ACBD6: variants seen among roughly 807,000 people sequenced by gnomAD.
The protein encoded by ACBD6 is acyl-CoA binding domain containing 6, also known as acyl-CoA-binding domain-containing protein 6.
ACBD6 carries 28 observed loss-of-function variants against 37.2 expected under a neutral mutation model. The observed-to-expected ratio is 0.75, with a 90% CI of 0.56 to 1.03. ACBD6 has a LOEUF of 1.03. Among genes scored for constraint, ACBD6 ranks in the 50% least tolerant of loss-of-function variants. The pLI is 0.00. For missense variants in ACBD6, 340 were observed against 337.4 expected (o/e 1.01, Z -0.06); for synonymous variants, 113 against 126.8 (o/e 0.89, Z 0.73).
At chr1:180,325,022 G>C (rs1020819139) in intron 6 of ACBD6, among the ~76,000 whole-genome samples, 2 of 152,030 alleles carry the variant, frequency 1.3e-5, no homozygotes, top group African/African-American at 2.4e-5. Flanking sequence ...GATGCTTTTA[G>C]GATGCTTTCT....
intron 11 of ACBD6, chr1:180,273,632 G>A (rs1349055735): frequency 6.5e-6 from 1 of 153,412 alleles, no homozygotes; most frequent in African/African-American, 2.4e-5. Context: ...CCCCAGTGAA[G>A]AGCTTATTGA....
At chr1:180,317,020 C>G (rs1418059724) in intron 6 of ACBD6, among the ~76,000 whole-genome samples, 2 of 152,254 alleles carry the variant, frequency 1.3e-5, no homozygotes, top group Non-Finnish European at 2.9e-5. Context: ...CCAAAATGGG[C>G]AAATCACAGC....
chr1:180,400,411 T>C (rs1014765126), intron 5 of ACBD6, among the ~76,000 whole-genome samples: 6 of 152,220 alleles, frequency 3.9e-5, no homozygotes, highest in Non-Finnish European at 8.8e-5. Flanking sequence ...CTAATTAACC[T>C]TGAATTAGAA....
At chr1:180,320,316 C>G (rs1470828767) in intron 6 of ACBD6, among the ~76,000 whole-genome samples, 2 of 152,266 alleles carry the variant, frequency 1.3e-5, no homozygotes, top group East Asian at 3.9e-4. Flanking sequence ...TGAGAAAGAT[C>G]TATTCAAATC....
At chr1:180,434,918 C>T (rs1388723542) in intron 3 of ACBD6, 14 of 777,928 alleles carry the variant, frequency 1.8e-5, no homozygotes, top group Non-Finnish European at 3.3e-5. Flanking sequence ...AATTTACAAG[C>T]TCAGGCTCAG....
intron 7 of ACBD6, among the ~76,000 whole-genome samples, chr1:180,304,144 A>G (rs1289292900): frequency 6.6e-6 from 1 of 150,962 alleles, no homozygotes; most frequent in Non-Finnish European, 1.5e-5. Context: ...ACTCACAGCC[A>G]ATATCATACT....
chr1:180,455,431 T>C (rs1163096336), intron 3 of ACBD6, among the ~76,000 whole-genome samples: 1 of 152,042 alleles, frequency 6.6e-6, no homozygotes, highest in African/African-American at 2.4e-5. Flanking sequence ...GATGATGGGT[T>C]GATGGGTGCA....
At chr1:180,284,437 C>G (rs1201633770), downstream of ACBD6, among the ~76,000 whole-genome samples, 1 of 151,346 alleles carries the variant, frequency 6.6e-6, no homozygotes. Flanking sequence ...GATCTTGGCT[C>G]ACTGTGACCT....
chr1:180,482,912 T>C (rs973620542), intron 3 of ACBD6, among the ~76,000 whole-genome samples: 5 of 152,294 alleles, frequency 3.3e-5, no homozygotes, highest in Admixed American at 2.0e-4. Context: ...TTTATACTCT[T>C]CCACACTGTT....
chr1:180,356,683 C>CA lies in ACBD6; in HGVS notation c.663+40832dup, dbSNP rs201892420. On this transcript the variant is annotated intron_variant, in intron 6 of 7. Coordinates refer to ENST00000367595, the MANE Select transcript of ACBD6 (RefSeq NM_032360.4). The stretch of plus-strand genomic sequence containing the variant: ...GCAGTATGGCGAAACCCCATTTCTA[C>CA]AAAAAAAATACAAAAATTAGCCAGG... Among the ~76,000 whole-genome samples, 900 of 150,796 alleles carry CA rather than the reference C, an allele frequency of 6.0e-3. 9 individuals are homozygous for CA. The highest frequency in any genetic ancestry group is 0.02 in the African/African-American group (836 of 41,152).
At chr1:180,343,343 AAAT>A (rs1652051009) in intron 6 of ACBD6, among the ~76,000 whole-genome samples, 1 of 152,200 alleles carries the variant, frequency 6.6e-6, no homozygotes, top group East Asian at 1.9e-4. Flanking sequence ...ATAAATGATA[AAAT>A]AATATACAAA....
At chr1:180,319,885 T>C (rs114238613) in intron 6 of ACBD6, among the ~76,000 whole-genome samples, 10,974 of 152,256 alleles carry the variant, frequency 0.072, 425 homozygotes, top group African/African-American at 0.11. Context: ...AGTACCATAT[T>C]TTCTTTATCC....
chr1:180,346,504 A>C (rs538470404), intron 6 of ACBD6, among the ~76,000 whole-genome samples: 1 of 152,274 alleles, frequency 6.6e-6, no homozygotes, highest in South Asian at 2.1e-4. Flanking sequence ...AGCTGGCCTC[A>C]AAGAAACAAA....
At chr1:180,448,797 G>A (rs1268741505) in intron 3 of ACBD6, among the ~76,000 whole-genome samples, 1 of 152,118 alleles carries the variant, frequency 6.6e-6, no homozygotes, top group Admixed American at 6.5e-5. Context: ...CTTCTAAAGA[G>A]ATGCCAATGC....
At chr1:180,345,803 A>T (rs1652157805) in intron 6 of ACBD6, among the ~76,000 whole-genome samples, 1 of 152,218 alleles carries the variant, frequency 6.6e-6, no homozygotes, top group Admixed American at 6.5e-5. Flanking sequence ...AAAATGTTTT[A>T]AAAACCTACC....
At chr1:180,304,289 T>C (rs911717877) in intron 7 of ACBD6, among the ~76,000 whole-genome samples, 1 of 150,642 alleles carries the variant, frequency 6.6e-6, no homozygotes, top group Admixed American at 6.6e-5. Context: ...ATAAAGGGTA[T>C]TCAATTAGGA....
rs115495493 is a variant in ACBD6, at chr1:180,435,619, T to C, written c.385-5357A>G. Reference sequence around the variant, plus strand: ...ACTTTGCAGTTGGCTACAAGACTTATGAATTCCAGCTTCACACTAATATGA... The same window carrying C: ...ACTTTGCAGTTGGCTACAAGACTTACGAATTCCAGCTTCACACTAATATGA... On this transcript the variant is annotated intron_variant, in intron 3 of 7. Coordinates refer to ENST00000367595, the MANE Select transcript of ACBD6 (RefSeq NM_032360.4). 1,763 of 1,073,290 alleles carry C rather than the reference T, an allele frequency of 1.6e-3. 15 individuals carry two copies. In the African/African-American group the frequency reaches 0.023, roughly 14 times the overall value. The allele number at this position is 1,073,290 out of a possible 1,614,324, so 66.5% of individuals were successfully genotyped here. A position where few individuals can be genotyped will look rare whatever the true frequency, so the allele number is the denominator to read the frequency against.
chr1:180,284,387 G>A (rs1005703976), downstream of ACBD6, among the ~76,000 whole-genome samples: 8 of 149,858 alleles, frequency 5.3e-5, no homozygotes, highest in Admixed American at 2.0e-4. Flanking sequence ...TTTGAGAGAC[G>A]GAGTCTTGCT....
intron 3 of ACBD6, among the ~76,000 whole-genome samples, chr1:180,451,785 G>A (rs1649716805): frequency 6.6e-6 from 1 of 152,162 alleles, no homozygotes; most frequent in Non-Finnish European, 1.5e-5. Flanking sequence ...AATGTTCTAA[G>A]ATGAATTGTA....
Sources: gnomAD v4.1 joint callset for allele counts (sites outside exome capture counted in the v4.1 genomes callset) on GRCh38, gnomAD v4.1.1 for gene constraint, MANE v1.5 for transcripts, NCBI Gene and HGNC (gene_info 2026-07-23, HGNC 2026-07-21) for gene names.